The following NRP1 variants were observed in gnomAD, a reference collection of about 807,000 sequenced individuals.
NRP1 encodes neuropilin-1.
A neutral mutation model predicts 106.7 loss-of-function variants in NRP1; 35 were observed. The observed-to-expected ratio is 0.33, with a 90% CI of 0.25 to 0.43. NRP1 has a LOEUF of 0.43. Ranked by LOEUF, NRP1 falls within the 20% of genes least tolerant of loss-of-function variation. The pLI, the probability that NRP1 is intolerant of heterozygous loss-of-function variation, is 1.00. For missense variants in NRP1, 1,024 were observed against 1,170.4 expected (o/e 0.87, Z 1.83); for synonymous variants, 437 against 417.9 (o/e 1.05, Z -0.56).
chr10:33,250,076 A>G (rs1435695754), intron 6 of NRP1, among the ~76,000 whole-genome samples: 1 of 152,194 alleles, frequency 6.6e-6, no homozygotes, highest in African/African-American at 2.4e-5. Context: ...TTCATGCAAA[A>G]TGTGAAAAAG....
chr10:33,296,284 G>T (rs560258874), intron 2 of NRP1, among the ~76,000 whole-genome samples: 34 of 152,320 alleles, frequency 2.2e-4, no homozygotes, highest in African/African-American at 7.7e-4. Context: ...AGACAGGAAG[G>T]CCTGTTTGAA....
At chr10:33,272,210 C>T (rs1843356683) in intron 2 of NRP1, among the ~76,000 whole-genome samples, 1 of 152,252 alleles carries the variant, frequency 6.6e-6, no homozygotes, top group South Asian at 2.1e-4. Context: ...GCTTAAGGCT[C>T]TCTAAATTAA....
chr10:33,221,353 C>T (rs1467514281), intron 8 of NRP1, among the ~76,000 whole-genome samples: 1 of 152,180 alleles, frequency 6.6e-6, no homozygotes, highest in East Asian at 1.9e-4. Context: ...AGCTTACAGT[C>T]TAGTGGAAAA....
In NRP1 at chr10:33,179,980, A is replaced by G; in HGVS notation, c.*96T>C. On this transcript the variant is annotated 3_prime_UTR_variant, in exon 17 of 17. Coordinates refer to ENST00000374867, the MANE Select transcript of NRP1 (RefSeq NM_003873.7). ...AGCCTGGCTCAGTGGTCATCAACAC[A>G]CTTCCCAGCCTGTATAGTGAAAGAT... is the stretch of plus-strand genomic sequence containing the variant. 2.3e-6 allele frequency: 3 copies of G among 1,313,664 alleles called. No individual in the cohort carries two copies. Among genetic ancestry groups the G allele is most frequent in the Non-Finnish European group, 3.2e-6 (3 of 938,522 alleles). 81.4% of individuals were successfully genotyped at this position (1,313,664 alleles called of 1,614,324 possible).
chr10:33,284,377 G>T (rs1844361939), intron 2 of NRP1, among the ~76,000 whole-genome samples: 1 of 152,064 alleles, frequency 6.6e-6, no homozygotes, highest in African/African-American at 2.4e-5. Flanking sequence ...TAAAGTCACA[G>T]GAAGAGATAG....
chr10:33,318,110 T>C (rs976444040), intron 2 of NRP1, among the ~76,000 whole-genome samples: 17 of 152,276 alleles, frequency 1.1e-4, no homozygotes, highest in Admixed American at 1.0e-3. Flanking sequence ...TCATCAACAC[T>C]GTGTTGCTGA....
At chr10:33,294,712 A>AGAAGGAAAAT (rs1364752710) in intron 2 of NRP1, among the ~76,000 whole-genome samples, 1 of 152,158 alleles carries the variant, frequency 6.6e-6, no homozygotes, top group East Asian at 1.9e-4. Flanking sequence ...GAGGAAGATA[A>AGAAGGAAAAT]GAAGGAAAAT....
intron 6 of NRP1, chr10:33,249,610 G>A: frequency 2.3e-6 from 1 of 438,212 alleles, no homozygotes; most frequent in Non-Finnish European, 4.6e-6. Flanking sequence ...AAGATCAGCA[G>A]CTCTGGGACA....
intron 2 of NRP1, among the ~76,000 whole-genome samples, chr10:33,289,260 A>G (rs1048115465): frequency 6.6e-6 from 1 of 152,188 alleles, no homozygotes; most frequent in Non-Finnish European, 1.5e-5. Flanking sequence ...ATTAAACCTT[A>G]TAAAAATAGC....
At position 33,192,381 on chromosome 10, in the gene NRP1, C is replaced by A. The variant is rs1836480213; in HGVS notation, c.1962G>T (p.Trp654Cys). ...AGTGGCAGAAGGTCTTGTGAGAGCC[C>A]CAGCCAAATTCACAGTTAAAACCAT... Reference protein sequence around the residue: ...PTYGFNCEFGWGSHKTFCHWE... With the variant: ...PTYGFNCEFGCGSHKTFCHWE... The change falls in exon 13 of 17, where the codon TGG (tryptophan) becomes TGT (cysteine). Residue 654 changes from tryptophan to cysteine, a missense_variant. By Grantham distance (215) the Trp-to-Cys change is radical (BLOSUM62 -2). Transcript: ENST00000374867. The A allele has an allele frequency of 6.2e-7, 1 of 1,613,712 alleles. No homozygotes were observed. Among genetic ancestry groups the A allele is most frequent in the Non-Finnish European group, 8.5e-7 (1 of 1,179,908 alleles).
chr10:33,331,775 T>C (rs1848301793), intron 1 of NRP1, among the ~76,000 whole-genome samples: 1 of 152,206 alleles, frequency 6.6e-6, no homozygotes, highest in African/African-American at 2.4e-5. Flanking sequence ...TCAGCATAGA[T>C]TCTCATTGTC....
intron 2 of NRP1, among the ~76,000 whole-genome samples, chr10:33,272,830 C>G (rs1451595896): frequency 6.6e-6 from 1 of 152,078 alleles, no homozygotes; most frequent in African/African-American, 2.4e-5. Flanking sequence ...CTGACATGGT[C>G]TGAATACTAA....
chr10:33,319,078 C>T (rs570329692), intron 2 of NRP1, among the ~76,000 whole-genome samples: 12 of 145,814 alleles, frequency 8.2e-5, no homozygotes, highest in African/African-American at 3.0e-4. Flanking sequence ...GATATCAGCT[C>T]ACTGCAAGCT....
At chr10:33,266,032 G>GA (rs1842896231) in intron 3 of NRP1, among the ~76,000 whole-genome samples, 1 of 152,130 alleles carries the variant, frequency 6.6e-6, no homozygotes, top group African/African-American at 2.4e-5. Flanking sequence ...CTTCCCTGGG[G>GA]AAAAAACCGC....
chr10:33,324,364 G>A (rs1260186889), intron 2 of NRP1, among the ~76,000 whole-genome samples: 1 of 152,088 alleles, frequency 6.6e-6, no homozygotes, highest in East Asian at 1.9e-4. Flanking sequence ...CTCTCACATT[G>A]AGAAGTCACC....
chr10:33,199,234 T>C (rs1837029411), intron 11 of NRP1, among the ~76,000 whole-genome samples: 2 of 151,072 alleles, frequency 1.3e-5, no homozygotes, highest in African/African-American at 4.9e-5. Flanking sequence ...AGTCTTGCTG[T>C]CACCCAGGCT....
chr10:33,284,875 T>C (rs1401896972), intron 2 of NRP1, among the ~76,000 whole-genome samples: 1 of 152,204 alleles, frequency 6.6e-6, no homozygotes, highest in Non-Finnish European at 1.5e-5. Flanking sequence ...ATCAGTGCCG[T>C]CATGAAGGGC....
intron 2 of NRP1, among the ~76,000 whole-genome samples, chr10:33,277,374 A>T (rs374451795): frequency 4.6e-5 from 7 of 152,300 alleles, no homozygotes; most frequent in African/African-American, 1.7e-4. Context: ...ACTGAGATGA[A>T]ACAAGGTTGG....
chr10:33,221,665 A>G, intron 8 of NRP1, 54 bp downstream of exon 8: 9 of 1,574,536 alleles, frequency 5.7e-6, no homozygotes, highest in Non-Finnish European at 7.8e-6. Flanking sequence ...GCATAAATCA[A>G]AACAAGACAA....
Sources: gnomAD v4.1 joint callset for allele counts (sites outside exome capture counted in the v4.1 genomes callset) on GRCh38, gnomAD v4.1.1 for gene constraint, MANE v1.5 for transcripts, NCBI Gene and HGNC (gene_info 2026-07-23, HGNC 2026-07-21) for gene names.